FHIT: variants seen among roughly 807,000 people sequenced by gnomAD.
The protein encoded by FHIT is fragile histidine triad diadenosine triphosphatase.
In FHIT, 19 loss-of-function variants were observed where a neutral mutation model predicts 17.9. The observed-to-expected ratio is 1.06, with a 90% CI of 0.74 to 1.56. The LOEUF (loss-of-function observed/expected upper bound fraction) is 1.56. FHIT is among the 40% of genes most tolerant of loss of function. The pLI is 0.00. For synonymous variants in FHIT, 81 were observed against 69.7 expected (o/e 1.16, Z -0.81); for missense variants, 248 against 189.2 (o/e 1.31, Z -1.82).
rs532523011 is a variant in FHIT, at chr3:60,712,021, C to G, written c.-18+109898G>C. Among the ~76,000 whole-genome samples, 26 of 152,272 alleles carry G rather than the reference C, an allele frequency of 1.7e-4. No individual in the cohort carries two copies. The East Asian group carries it at 1.7e-3, about 10-fold the overall frequency. ...GGAAAAAATGTTAAGGGCAGCCAGA[C>G]AGAAAGGTCGGGTTACCCACAAAGG... On this transcript the variant is annotated intron_variant, in intron 4 of 9. Transcript: ENST00000492590.
chr3:60,418,290 A>G (rs1042029151), intron 5 of FHIT, among the ~76,000 whole-genome samples: 2 of 150,114 alleles, frequency 1.3e-5, no homozygotes, highest in Non-Finnish European at 3.0e-5. Context: ...ATGTATTAAC[A>G]TTAATTTTAC....
At chr3:60,557,826 A>T (rs1207465561) in intron 4 of FHIT, among the ~76,000 whole-genome samples, 1 of 152,020 alleles carries the variant, frequency 6.6e-6, no homozygotes, top group African/African-American at 2.4e-5. Flanking sequence ...TAAAACAATG[A>T]TGTGTGTTCT....
intron 5 of FHIT, among the ~76,000 whole-genome samples, chr3:60,513,355 T>C (rs3911035): frequency 0.59 from 89,005 of 152,028 alleles, 26,657 homozygotes; most frequent in African/African-American, 0.72. Flanking sequence ...CAGGTATTTT[T>C]CTTCAGCCTC....
At position 60,248,200 on chromosome 3, in the gene FHIT, C is replaced by T. The variant is rs527613122; in HGVS notation, c.104-234048G>A. On this transcript the variant is annotated intron_variant, in intron 5 of 9. Coordinates refer to ENST00000492590, the MANE Select transcript of FHIT (RefSeq NM_002012.4). ...TCCCCCTAAGAGTTCAAAATCCACT[C>T]CCTAGGTTTATTCTTTGGTACAAAA... 3.3e-5 allele frequency among the ~76,000 whole-genome samples: 5 copies of T among 152,238 alleles called. No individual in the cohort carries two copies. In the South Asian group the frequency reaches 8.3e-4, roughly 25 times the overall value.
intron 4 of FHIT, among the ~76,000 whole-genome samples, chr3:60,809,860 G>C (rs1477853148): frequency 2.6e-5 from 4 of 152,124 alleles, no homozygotes; most frequent in Non-Finnish European, 5.9e-5. Flanking sequence ...CTCAACCCTG[G>C]CTCATACTAG....
chr3:60,783,283 A>G (rs931881692), intron 4 of FHIT, among the ~76,000 whole-genome samples: 7 of 152,200 alleles, frequency 4.6e-5, no homozygotes, highest in African/African-American at 7.2e-5. Flanking sequence ...TCAATAGGTC[A>G]TTAGAGAGAG....
intron 3 of FHIT, among the ~76,000 whole-genome samples, chr3:60,944,209 G>C (rs970142511): frequency 6.6e-6 from 1 of 152,172 alleles, no homozygotes. Flanking sequence ...CAGTATCATA[G>C]CTCCAAACAT....
At chr3:60,248,044 T>C (rs1345048047) in intron 5 of FHIT, among the ~76,000 whole-genome samples, 1 of 152,170 alleles carries the variant, frequency 6.6e-6, no homozygotes, top group Non-Finnish European at 1.5e-5. Context: ...AGTAGAATTT[T>C]ACCAGGTTAG....
At chr3:59,764,190 G>A (rs574219978) in intron 8 of FHIT, among the ~76,000 whole-genome samples, 4 of 152,254 alleles carry the variant, frequency 2.6e-5, no homozygotes, top group African/African-American at 9.6e-5. Flanking sequence ...TGAGCAGCAA[G>A]CTATTTGCAC....
chr3:61,238,963 G>A (rs1042322777), intron 1 of FHIT, among the ~76,000 whole-genome samples: 1 of 152,186 alleles, frequency 6.6e-6, no homozygotes, highest in Non-Finnish European at 1.5e-5. Context: ...AGAACCTAGT[G>A]AAGGAAATGA....
At chr3:61,165,837 AAAAG>A (rs2037821139) in intron 2 of FHIT, 1 of 152,296 alleles carries the variant, frequency 6.6e-6, no homozygotes. Flanking sequence ...CTCTGAAAAA[AAAAG>A]AGAAAGAAAG....
chr3:60,441,993 G>T (rs2030925135), intron 5 of FHIT, among the ~76,000 whole-genome samples: 1 of 149,692 alleles, frequency 6.7e-6, no homozygotes, highest in Admixed American at 6.7e-5. Flanking sequence ...CATATACCTG[G>T]GACTACAGGT....
chr3:60,275,945 C>A lies in FHIT; in HGVS notation c.103+260915G>T, dbSNP rs200944304. ...CAATTATTGCTCTCCTTCAAGCTGA[C>A]CAATAGGATAAGTTTAAGCAGTAGT... On this transcript the variant is annotated intron_variant, in intron 5 of 9. Coordinates refer to ENST00000492590, the MANE Select transcript of FHIT (RefSeq NM_002012.4). Among the ~76,000 whole-genome samples, 3 of 151,924 alleles carry A rather than the reference C, an allele frequency of 2.0e-5. No individual in the cohort carries two copies. In the East Asian group the frequency reaches 5.8e-4, roughly 29 times the overall value.
intron 3 of FHIT, among the ~76,000 whole-genome samples, chr3:60,954,435 T>C (rs1170383892): frequency 1.3e-5 from 2 of 152,222 alleles, no homozygotes; most frequent in East Asian, 1.9e-4. Flanking sequence ...CTGGAGAGTT[T>C]AGAGAAGCTT....
intron 5 of FHIT, among the ~76,000 whole-genome samples, chr3:60,377,505 C>T (rs4679477): frequency 0.65 from 65,764 of 101,870 alleles, 21,591 homozygotes; most frequent in East Asian, 0.71. Context: ...GACGGAGTCT[C>T]GCTCTGTCGC....
At chr3:59,850,263 T>A (rs1701881059) in intron 8 of FHIT, among the ~76,000 whole-genome samples, 1 of 152,206 alleles carries the variant, frequency 6.6e-6, no homozygotes, top group East Asian at 1.9e-4. Context: ...ATGTTTTAAT[T>A]TGCAATATTC....
At chr3:60,755,889 T>C (rs2042561885) in intron 4 of FHIT, among the ~76,000 whole-genome samples, 1 of 152,202 alleles carries the variant, frequency 6.6e-6, no homozygotes, top group Non-Finnish European at 1.5e-5. Flanking sequence ...ATTTGAATCA[T>C]TTAAGGAAAA....
chr3:60,338,081 T>C (rs1710330064), intron 5 of FHIT, among the ~76,000 whole-genome samples: 1 of 152,144 alleles, frequency 6.6e-6, no homozygotes, highest in African/African-American at 2.4e-5. Flanking sequence ...GTGTCATACC[T>C]GAGATGCAGC....
intron 3 of FHIT, among the ~76,000 whole-genome samples, chr3:60,828,442 C>T (rs552370171): frequency 4.4e-4 from 67 of 152,106 alleles, no homozygotes; most frequent in Non-Finnish European, 8.4e-4. Context: ...AGTATTTATA[C>T]TTTGTTATAT....
Sources: gnomAD v4.1 joint callset for allele counts (sites outside exome capture counted in the v4.1 genomes callset) on GRCh38, gnomAD v4.1.1 for gene constraint, MANE v1.5 for transcripts, NCBI Gene and HGNC (gene_info 2026-07-23, HGNC 2026-07-21) for gene names.